The following FANCD2 variants were observed in gnomAD, a reference collection of about 807,000 sequenced individuals.
FANCD2 encodes the protein FA complementation group D2.
A neutral mutation model predicts 192.3 loss-of-function variants in FANCD2; 131 were observed. The ratio of observed to expected loss-of-function variants is 0.68; its 90% CI spans 0.59 to 0.79. The LOEUF is 0.79. FANCD2 is among the 30% of genes least tolerant of loss of function. FANCD2 has a pLI of 0.00. For synonymous variants in FANCD2, 524 were observed against 612.5 expected, an observed-to-expected ratio of 0.86 and a Z score of 2.13; for missense variants, 1,508 against 1,701.6, an observed-to-expected ratio of 0.89 and a Z score of 2.00.
At position 10,043,111 on chromosome 3, in the gene FANCD2, A is replaced by G; in HGVS notation, c.950A>G (p.Gln317Arg). 6.2e-7 allele frequency: 1 copy of G among 1,614,136 alleles called. No individual in the cohort carries two copies. Among genetic ancestry groups the G allele is most frequent in the South Asian group, 1.1e-5 (1 of 91,078 alleles). ...LQHCVLPSRL[Q>R]ASQVKLKSKG... ...CATTGTGTTTTGCCATCACGGTTAC[A>G]GGCTTCCCAAGTAAAGTTGAAAAGT... The change falls in exon 12 of 44, where the codon CAG becomes CGG. Residue 317 changes from glutamine (Q) to arginine (R), a missense_variant. This residue lies in a region of FANCD2 where 435 missense variants were observed against 421.9 expected (regional missense o/e 1.03). Coordinates refer to ENST00000675286, the MANE Select transcript of FANCD2 (RefSeq NM_001018115.3).
Position 10,088,747 on chromosome 3 carries a change from A to C in FANCD2, c.3561-81A>C, listed in dbSNP as rs1694394548. On this transcript the variant is annotated intron_variant, in intron 35 of 43. Coordinates refer to ENST00000675286, the MANE Select transcript of FANCD2 (RefSeq NM_001018115.3). ...TTAGCTAACTGCTTATTGTTAATTC[A>C]GATCATAGAGGAATTAGAGGAATCT... 3.4e-6 allele frequency: 5 copies of C among 1,459,680 alleles called. No homozygotes were observed. In the East Asian group the frequency reaches 1.1e-4, roughly 33 times the overall value. The allele number at this position is 1,459,680 out of a possible 1,614,324, so 90.4% of individuals were successfully genotyped here.
Position 10,065,848 on chromosome 3 carries a change from G to A in FANCD2, c.2270-16G>A, listed in dbSNP as rs1453072748. 4 of 1,530,908 alleles carry A rather than the reference G, an allele frequency of 2.6e-6. No homozygotes were observed. In the Admixed American group the frequency reaches 5.0e-5, roughly 19 times the overall value. The allele number at this position is 1,530,908 out of a possible 1,614,324, so 94.8% of individuals were successfully genotyped here. A position where few individuals can be genotyped will look rare whatever the true frequency, so the allele number is the denominator to read the frequency against. On this transcript the variant is annotated splice_polypyrimidine_tract_variant and intron_variant, in intron 24 of 43. Transcript: ENST00000675286. ...GCTTGCACTAAAGGTAGTTGGAAAT[G>A]TTTGTTCTCTCTCAGATTGTCCTAT...
Position 10,087,176 on chromosome 3 carries a change from C to T in FANCD2, c.3378C>T (p.Pro1126=), listed in dbSNP as rs761298529. ...HYLQNFHQSI[P]SFQCALYLIR... ...TGCAGAATTTCCATCAAAGCATTCC[C>T]AGTTTCCAGTGTGCTCTTTATCTCA... Residue 1126 remains proline, a synonymous_variant, in exon 34 of 44, where the codon CCC becomes CCT. Coordinates refer to ENST00000675286, the MANE Select transcript of FANCD2 (RefSeq NM_001018115.3). 6.2e-7 allele frequency: 1 copy of T among 1,613,868 alleles called. No individual in the cohort carries two copies. The highest frequency in any genetic ancestry group is 1.1e-5 in the South Asian group (1 of 91,072).
intron 17 of FANCD2, 72 bp from the exon 18 acceptor site, chr3:10,052,315 A>T: frequency 2.0e-6 from 2 of 986,172 alleles, no homozygotes; most frequent in African/African-American, 1.6e-5. Context: ...TTTTACAGGG[A>T]TTTTAATTTT....
At chr3:10,072,816 C>G in intron 26 of FANCD2, 55 bp from the exon 27 acceptor site, 1 of 955,838 alleles carries the variant, frequency 1.0e-6, no homozygotes, top group Non-Finnish European at 1.7e-6. Flanking sequence ...AATTTCAAGT[C>G]TAATGGTGGT....
At chr3:10,030,654 C>G (rs2086568996) in intron 2 of FANCD2, among the ~76,000 whole-genome samples, 1 of 152,188 alleles carries the variant, frequency 6.6e-6, no homozygotes, top group Admixed American at 6.5e-5. Flanking sequence ...AATCCCAGCA[C>G]TTTGGGAGGC....
At chr3:10,042,685 C>T in intron 11 of FANCD2, 22 bp downstream of exon 11, 1 of 1,587,864 alleles carries the variant, frequency 6.3e-7, no homozygotes, top group Non-Finnish European at 8.6e-7. Flanking sequence ...TATCCCATCA[C>T]ACCTAGATAA....
chr3:10,052,456 C>T lies in FANCD2; in HGVS notation c.1615C>T (p.Leu539=). 6.2e-7 allele frequency: 1 copy of T among 1,612,556 alleles called. No individual in the cohort carries two copies. Among genetic ancestry groups the T allele is most frequent in the East Asian group, 2.2e-5 (1 of 44,884 alleles). The change falls in exon 18 of 44, where the codon CTG becomes TTG. Residue 539 remains leucine, a synonymous_variant. Coordinates refer to ENST00000675286, the MANE Select transcript of FANCD2 (RefSeq NM_001018115.3). ...IRKLFYVLST[L]AFSKQNEASS... is the part of the protein sequence containing the mutation. ...AAAACTCTTCTATGTTCTCAGCACA[C>T]TGGCATTTAGCAAACAGAATGAAGC...
In FANCD2 at chr3:10,082,612, G is replaced by A. The variant is rs982311249; in HGVS notation, c.3224+1148G>A. Among the ~76,000 whole-genome samples, 3 of 152,148 alleles carry A rather than the reference G, an allele frequency of 2.0e-5. No homozygotes were observed. The East Asian group carries it at 5.8e-4, about 29-fold the overall frequency. ...ACCCTATATAGCTTTTACGTGGGAG[G>A]CTTTGCACATGTTCATTCTCCTGCC... On this transcript the variant is annotated intron_variant, in intron 32 of 43. Coordinates refer to ENST00000675286, the MANE Select transcript of FANCD2 (RefSeq NM_001018115.3).
intron 18 of FANCD2, among the ~76,000 whole-genome samples, chr3:10,053,278 A>G (rs2087271816): frequency 6.6e-6 from 1 of 151,722 alleles, no homozygotes; most frequent in Admixed American, 6.6e-5. Context: ...TATCGCAAGA[A>G]CAAAAAACCG....
chr3:10,057,105 C>T (rs748387237), intron 18 of FANCD2, among the ~76,000 whole-genome samples: 18 of 152,204 alleles, frequency 1.2e-4, no homozygotes, highest in Non-Finnish European at 2.6e-4. Context: ...ATCCACCCAC[C>T]TCTGCCTCCC....
rs1394161138 is a variant in FANCD2, at chr3:10,074,546, A to C, written c.2732A>C (p.Glu911Ala). Residue 911 changes from glutamate to alanine, a missense_variant, in exon 29 of 44, where the codon GAA (glutamate) becomes GCA (alanine). By Grantham distance (107) the Glu-to-Ala change is moderately radical. Around this residue, in one of 5 missense-constraint regions of FANCD2, gnomAD observed 796 missense variants for 879.4 expected, o/e 0.91. Transcript: ENST00000675286. ...TCCCCATAGGAGTTCACAGGGAAGG[A>C]AGAAAAGACATCATTGTTACTACAT... is the stretch of plus-strand genomic sequence containing the variant. ...GQLNKEFTGK[E>A]EKTSLLLHNS... is the part of the protein sequence containing the mutation. The C allele has an allele frequency of 6.2e-7, 1 of 1,613,736 alleles. No individual in the cohort carries two copies. The highest frequency in any genetic ancestry group is 1.1e-5 in the South Asian group (1 of 91,068).
chr3:10,093,416 C>A, intron 39 of FANCD2, 93 bp downstream of exon 39: 1 of 1,092,498 alleles, frequency 9.2e-7, no homozygotes, highest in African/African-American at 1.5e-5. Flanking sequence ...CAATTTCTTG[C>A]CCACAAGCCA....
chr3:10,077,950 C>T, intron 29 of FANCD2, 131 bp from the exon 30 acceptor site: 1 of 747,670 alleles, frequency 1.3e-6, no homozygotes, highest in Non-Finnish European at 2.5e-6. Context: ...GGGAGGATAA[C>T]TTGGGCCCAG....
chr3:10,073,995 G>T (rs1390762609), intron 28 of FANCD2, among the ~76,000 whole-genome samples: 2 of 151,976 alleles, frequency 1.3e-5, no homozygotes, highest in Non-Finnish European at 2.9e-5. Context: ...ACCCAGGCTG[G>T]AGTGCAGTGG....
intron 17 of FANCD2, among the ~76,000 whole-genome samples, chr3:10,051,823 T>C (rs1366607895): frequency 1.3e-5 from 2 of 152,128 alleles, no homozygotes; most frequent in Admixed American, 1.3e-4. Flanking sequence ...ATTATCACCA[T>C]GTTATAGATG....
chr3:10,034,886 A>G (rs2086692575), intron 5 of FANCD2, 88 bp downstream of exon 5: 4 of 1,005,240 alleles, frequency 4.0e-6, no homozygotes, highest in African/African-American at 3.2e-5. Context: ...AGTTGTTTCA[A>G]ATTTCATTTT....
chr3:10,040,641 G>C, intron 9 of FANCD2: 1 of 451,158 alleles, frequency 2.2e-6, no homozygotes, highest in Non-Finnish European at 4.5e-6. Context: ...TATTGAAGAA[G>C]GGGAGAACAA....
chr3:10,078,965 G>A (rs1378834256), intron 30 of FANCD2, among the ~76,000 whole-genome samples: 1 of 151,608 alleles, frequency 6.6e-6, no homozygotes, highest in Non-Finnish European at 1.5e-5. Flanking sequence ...AAGTCTACCT[G>A]TGCAGTGGTT....
Sources: allele counts gnomAD v4.1 joint callset (sites outside exome capture counted in the v4.1 genomes callset), GRCh38; gene constraint gnomAD v4.1.1; regional missense constraint gnomAD v4.1.1; transcripts MANE v1.5; gene names NCBI Gene and HGNC (gene_info 2026-07-23, HGNC 2026-07-21).